The following STXBP4 variants were observed in gnomAD, a reference collection of about 807,000 sequenced individuals.
STXBP4 encodes syntaxin-binding protein 4.
STXBP4 carries 55 observed loss-of-function variants against 76.1 expected under a neutral mutation model. The observed-to-expected ratio is 0.72, with a 90% CI of 0.58 to 0.91. STXBP4 has a LOEUF of 0.91. STXBP4 is among the 40% of genes least tolerant of loss of function. STXBP4 has a pLI of 0.00. For synonymous variants in STXBP4, 201 were observed against 220.2 expected (o/e 0.91, Z 0.77); for missense variants, 618 against 636.9 (o/e 0.97, Z 0.32).
chr17:55,159,189 T>G (rs1284553306), intron 17 of STXBP4, among the ~76,000 whole-genome samples: 1 of 152,132 alleles, frequency 6.6e-6, no homozygotes, highest in Non-Finnish European at 1.5e-5. Context: ...GAGGTTACAG[T>G]GATCTGAGAT....
chr17:55,069,305 C>G (rs1469515932), intron 12 of STXBP4, among the ~76,000 whole-genome samples: 1 of 151,986 alleles, frequency 6.6e-6, no homozygotes, highest in Non-Finnish European at 1.5e-5. Context: ...CTTTTATTAT[C>G]TAACCTTCTA....
At chr17:54,994,669 C>G (rs752027742) in intron 4 of STXBP4, among the ~76,000 whole-genome samples, 4 of 152,176 alleles carry the variant, frequency 2.6e-5, no homozygotes, top group Admixed American at 2.6e-4. Context: ...CTATTTCCCT[C>G]CCAACCTACA....
chr17:55,126,729 G>C (rs2079916951), intron 16 of STXBP4, among the ~76,000 whole-genome samples: 1 of 152,208 alleles, frequency 6.6e-6, no homozygotes, highest in African/African-American at 2.4e-5. Flanking sequence ...TGTTGTCTCT[G>C]AAATCATTCC....
intron 17 of STXBP4, among the ~76,000 whole-genome samples, chr17:55,151,044 A>G (rs1435021016): frequency 6.6e-6 from 1 of 152,212 alleles, no homozygotes; most frequent in African/African-American, 2.4e-5. Flanking sequence ...TGAATTTGGG[A>G]GCCATAAGCC....
intron 1 of STXBP4, among the ~76,000 whole-genome samples, chr17:54,970,104 A>G (rs1390617964): frequency 6.6e-6 from 1 of 152,218 alleles, no homozygotes; most frequent in Non-Finnish European, 1.5e-5. Context: ...GAATGATTGA[A>G]GAACAGAAAG....
chr17:55,186,460 G>A, the STXBP4 span, among the ~76,000 whole-genome samples: 2 of 152,166 alleles, frequency 1.3e-5, no homozygotes, highest in African/African-American at 4.8e-5. Context: ...GTAAATCAAA[G>A]TATGTAGTGT....
chr17:55,129,197 G>A (rs957463086), intron 16 of STXBP4, among the ~76,000 whole-genome samples: 4 of 151,972 alleles, frequency 2.6e-5, no homozygotes, highest in Non-Finnish European at 4.4e-5. Flanking sequence ...CAAAGGGCTG[G>A]GATTATAGGC....
At chr17:55,078,231 A>C (rs949551137) in intron 14 of STXBP4, 37 bp downstream of exon 14, 2 of 1,327,770 alleles carry the variant, frequency 1.5e-6, no homozygotes, top group Non-Finnish European at 2.1e-6. Flanking sequence ...ATCTTTAAAA[A>C]ATATATAGGC....
Position 54,986,223 on chromosome 17 carries a change from A to G in STXBP4, c.4A>G (p.Asn2Asp). Residue 2 changes from asparagine (N) to aspartate (D), a missense_variant, in exon 3 of 18, where the codon AAT becomes GAT. Transcript: ENST00000376352. ...CCAAGGCTACTTTGGTGAAAGCATG[A>G]ATAAAAATACATCTACTGTAGTATC... M[N>D]KNTSTVVSPS... 1.2e-6 allele frequency: 2 copies of G among 1,602,018 alleles called. No individual in the cohort carries two copies. The highest frequency in any genetic ancestry group is 1.7e-6 in the Non-Finnish European group (2 of 1,174,808).
chr17:55,054,161 AT>A (rs2078894961), intron 12 of STXBP4, among the ~76,000 whole-genome samples: 2 of 152,202 alleles, frequency 1.3e-5, no homozygotes, highest in South Asian at 4.1e-4. Flanking sequence ...ATATGAAAAA[AT>A]ATATAAACAA....
intron 16 of STXBP4, among the ~76,000 whole-genome samples, chr17:55,115,661 C>T (rs2079772310): frequency 6.6e-6 from 1 of 151,748 alleles, no homozygotes; most frequent in Non-Finnish European, 1.5e-5. Flanking sequence ...ACAATTACTG[C>T]AAAAAGTTTA....
intron 8 of STXBP4, among the ~76,000 whole-genome samples, chr17:55,024,547 A>ATATGT (rs2144645364): frequency 6.6e-6 from 1 of 152,322 alleles, no homozygotes; most frequent in African/African-American, 2.4e-5. Context: ...CTCACATTGG[A>ATATGT]TATGTAACAT....
intron 15 of STXBP4, among the ~76,000 whole-genome samples, chr17:55,080,425 T>C (rs1406288605): frequency 1.3e-5 from 2 of 152,232 alleles, no homozygotes; most frequent in African/African-American, 2.4e-5. Flanking sequence ...TAAATAATGA[T>C]GATTTTGTCA....
At chr17:55,070,479 A>T (rs997798115) in intron 12 of STXBP4, among the ~76,000 whole-genome samples, 1 of 152,194 alleles carries the variant, frequency 6.6e-6, no homozygotes, top group Non-Finnish European at 1.5e-5. Flanking sequence ...GTATTCTTTT[A>T]TTATAAAACA....
chr17:55,134,793 G>A (rs911534496), intron 16 of STXBP4, among the ~76,000 whole-genome samples: 11 of 152,116 alleles, frequency 7.2e-5, no homozygotes, highest in African/African-American at 2.2e-4. Context: ...AATAAAGTCC[G>A]TTGTATATTA....
chr17:55,033,780 G>A (rs142878425), intron 9 of STXBP4, among the ~76,000 whole-genome samples: 74 of 152,216 alleles, frequency 4.9e-4, no homozygotes, highest in African/African-American at 1.7e-3. Context: ...ATACAGCAGC[G>A]GTTACATAAA....
In STXBP4 at chr17:54,999,804, A is replaced by G. The variant is rs1329650911; in HGVS notation, c.460A>G (p.Thr154Ala). 4 of 1,613,032 alleles carry G rather than the reference A, an allele frequency of 2.5e-6. No individual in the cohort carries two copies. The highest frequency in any genetic ancestry group is 2.2e-5 in the East Asian group (1 of 44,754). The change falls in exon 6 of 18, where the codon ACT becomes GCT. Residue 154 changes from threonine to alanine, a missense_variant. Physicochemically the swap from Thr to Ala is moderately conservative, Grantham distance 58. Coordinates refer to ENST00000376352, the MANE Select transcript of STXBP4 (RefSeq NM_178509.6). ...PEILIPKTSS[T>A]PKTNNDILSS... ...AATACTAATCCCAAAGACCTCATCCACTCCCAAAACAAATAATGACATTTT... is the reference window on the plus strand; with the variant it reads ...AATACTAATCCCAAAGACCTCATCCGCTCCCAAAACAAATAATGACATTTT...
the STXBP4 span, among the ~76,000 whole-genome samples, chr17:55,204,815 C>A: frequency 2.0e-5 from 1 of 49,892 alleles, no homozygotes; most frequent in South Asian, 1.0e-3. Context: ...CAAGATTAAA[C>A]ACACACACAC....
chr17:55,199,856 C>G, the STXBP4 span, among the ~76,000 whole-genome samples: 1 of 152,154 alleles, frequency 6.6e-6, no homozygotes. Context: ...TTGTGCTTCT[C>G]TCCTTTAGCT....
Sources: gnomAD v4.1 joint callset for allele counts (sites outside exome capture counted in the v4.1 genomes callset) on GRCh38, gnomAD v4.1.1 for gene constraint, MANE v1.5 for transcripts, NCBI Gene and HGNC (gene_info 2026-07-23, HGNC 2026-07-21) for gene names.